The following CACNA1B variants were observed in gnomAD, a reference collection of about 807,000 sequenced individuals.
CACNA1B encodes voltage-dependent N-type calcium channel subunit alpha-1B.
In CACNA1B, 70 loss-of-function variants were observed where a neutral mutation model predicts 247.2. That is an observed-to-expected ratio of 0.28 (90% CI 0.23 to 0.35). The LOEUF (loss-of-function observed/expected upper bound fraction) is 0.35. CACNA1B is among the 10% of genes least tolerant of loss of function. CACNA1B has a pLI of 1.00. For synonymous variants in CACNA1B, 1,231 were observed against 1,294.4 expected, an observed-to-expected ratio of 0.95 and a Z score of 1.05; for missense variants, 2,367 against 3,197.4, an observed-to-expected ratio of 0.74 and a Z score of 6.26.
At position 137,971,662 on chromosome 9, in the gene CACNA1B, A is replaced by G. The variant is rs931610600; in HGVS notation, c.1543+70A>G. 19 of 1,359,218 alleles carry G rather than the reference A, an allele frequency of 1.4e-5. No homozygotes were observed. The highest frequency in any genetic ancestry group is 1.9e-5 in the Admixed American group (1 of 51,928). The allele number at this position is 1,359,218 out of a possible 1,614,324, so 84.2% of individuals were successfully genotyped here. A position where few individuals can be genotyped will look rare whatever the true frequency, so the allele number is the denominator to read the frequency against. On this transcript the variant is annotated intron_variant, in intron 11 of 46. Transcript: ENST00000371372. The surrounding 1 kb of genome is among the most constrained non-coding windows in gnomAD (Gnocchi z 4.4). Reference sequence around the variant, plus strand: ...GCTCTCAGTCTGGAAACCCTGGTCCATGCCCTGGGGCTACCCCAGGTGGGA... The same window carrying G: ...GCTCTCAGTCTGGAAACCCTGGTCCGTGCCCTGGGGCTACCCCAGGTGGGA...
chr9:137,895,881 C>G (rs574755568), intron 3 of CACNA1B, among the ~76,000 whole-genome samples: 1 of 152,040 alleles, frequency 6.6e-6, no homozygotes, highest in Non-Finnish European at 1.5e-5. Context: ...AGTGGTGTGG[C>G]GAGAGAGGCA....
rs1959659622 is a variant in CACNA1B at position 138,059,817 on chromosome 9, G to A, written c.4668+80G>A. 1.2e-6 allele frequency: 1 copy of A among 825,048 alleles called. No individual in the cohort carries two copies. The allele number at this position is 825,048 out of a possible 1,614,324, so 51.1% of individuals were successfully genotyped here. ...CCTGCTCCCCTCAGTGCATCTCCAG[G>A]CCCTGTGTTAGCCTCTTCCTGGGTT... On this transcript the variant is annotated intron_variant, in intron 31 of 46. Coordinates refer to ENST00000371372, the MANE Select transcript of CACNA1B (RefSeq NM_000718.4). This position sits in a 1 kb window ranked among gnomAD's most constrained non-coding sequence, Gnocchi z 4.2.
intron 42 of CACNA1B, among the ~76,000 whole-genome samples, chr9:138,117,292 G>T (rs112953710): frequency 2.6e-4 from 40 of 151,926 alleles, no homozygotes; most frequent in Non-Finnish European, 4.9e-4. Flanking sequence ...CTTGGGGGGG[G>T]GGTCAGAGAA....
chr9:138,056,811 G>A (rs1959516426), intron 26 of CACNA1B, among the ~76,000 whole-genome samples: 1 of 151,968 alleles, frequency 6.6e-6, no homozygotes. Context: ...TCTCGTGGTG[G>A]TTTTTATTTG....
At position 137,922,144 on chromosome 9, in the gene CACNA1B, C is replaced by T. The variant is rs148012961; in HGVS notation, c.966+4713C>T. ...CATCCTGGGAGCAGAGTAAAGTGCTCGGAGAACATGATCAACACCACACCG... is the reference window on the plus strand; with the variant it reads ...CATCCTGGGAGCAGAGTAAAGTGCTTGGAGAACATGATCAACACCACACCG... On this transcript the variant is annotated intron_variant, in intron 6 of 46. Transcript: ENST00000371372. Among the ~76,000 whole-genome samples, 554 of 135,480 alleles carry T rather than the reference C, an allele frequency of 4.1e-3. 1 individual carries two copies. The highest frequency in any genetic ancestry group is 0.015 in the Middle Eastern group (3 of 194). 88.9% of individuals were successfully genotyped at this position (135,480 alleles called of 152,430 possible).
chr9:137,914,567 G>T lies in CACNA1B; in HGVS notation c.623-87G>T, dbSNP rs2133279315. On this transcript the variant is annotated intron_variant, in intron 4 of 46. Coordinates refer to ENST00000371372, the MANE Select transcript of CACNA1B (RefSeq NM_000718.4). This position sits in a 1 kb window ranked among gnomAD's most constrained non-coding sequence, Gnocchi z 4.3. ...CTTAGCACCTTGCTGTCCCTGCTAG[G>T]TTCCTGCTGTTCTGTCCCTGCCCCC... 1.8e-6 allele frequency: 2 copies of T among 1,110,000 alleles called. No homozygotes were observed. 68.8% of individuals were successfully genotyped at this position (1,110,000 alleles called of 1,614,324 possible). A position where few individuals can be genotyped will look rare whatever the true frequency, so the allele number is the denominator to read the frequency against.
intron 10 of CACNA1B, among the ~76,000 whole-genome samples, chr9:137,960,119 C>T (rs1475974965): frequency 7.4e-6 from 1 of 134,236 alleles, no homozygotes; most frequent in Non-Finnish European, 1.6e-5. Context: ...TGAGGAACTA[C>T]TCTCAGGCCG....
At position 138,121,116 on chromosome 9, in the gene CACNA1B, T is replaced by A. The variant is rs567099375; in HGVS notation, c.6489+235T>A. Among the ~76,000 whole-genome samples the A allele has an allele frequency of 6.6e-6, 1 of 152,242 alleles. No homozygotes were observed. The highest frequency in any genetic ancestry group is 2.1e-4 in the South Asian group (1 of 4,816). On this transcript the variant is annotated intron_variant, in intron 46 of 46. Transcript: ENST00000371372. This position sits in a 1 kb window ranked among gnomAD's most constrained non-coding sequence, Gnocchi z 6.8. ...GTCACCCTGGGACAGTGGTTCTGCGTCCTATCCACTTTCGGACCTGGGCCC... is the reference window on the plus strand; with the variant it reads ...GTCACCCTGGGACAGTGGTTCTGCGACCTATCCACTTTCGGACCTGGGCCC...
intron 15 of CACNA1B, among the ~76,000 whole-genome samples, chr9:137,998,967 A>G (rs1207429128): frequency 6.6e-6 from 1 of 152,220 alleles, no homozygotes; most frequent in Non-Finnish European, 1.5e-5. Context: ...GAACATTTGC[A>G]GACTTTGACC....
Position 137,986,288 on chromosome 9 carries a change from T to C in CACNA1B, c.1770-125T>C. The C allele has an allele frequency of 9.5e-7, 1 of 1,054,304 alleles. No individual in the cohort carries two copies. The highest frequency in any genetic ancestry group is 2.1e-4 in the Middle Eastern group (1 of 4,770). The allele number at this position is 1,054,304 out of a possible 1,614,324, so 65.3% of individuals were successfully genotyped here. ...TGAAACTCCAGAGAAAAGCTCTAAC[T>C]TCACACCTAGGTGTGCAGCCCTCAG... is the stretch of plus-strand genomic sequence containing the variant. On this transcript the variant is annotated intron_variant, in intron 13 of 46. Transcript: ENST00000371372. This position sits in a 1 kb window ranked among gnomAD's most constrained non-coding sequence, Gnocchi z 6.0.
intron 20 of CACNA1B, among the ~76,000 whole-genome samples, chr9:138,038,904 G>A (rs1256918450): frequency 1.3e-5 from 2 of 152,140 alleles, no homozygotes; most frequent in Admixed American, 6.5e-5. Flanking sequence ...GAGAAAAGTG[G>A]CTGGATGCAG....
chr9:138,054,066 A>C lies in CACNA1B; in HGVS notation c.3968+60A>C, dbSNP rs1216398754. 6.6e-7 allele frequency: 1 copy of C among 1,517,656 alleles called. No homozygotes were observed. The highest frequency in any genetic ancestry group is 1.4e-5 in the African/African-American group (1 of 73,248). The allele number at this position is 1,517,656 out of a possible 1,614,324, so 94.0% of individuals were successfully genotyped here. On this transcript the variant is annotated intron_variant, in intron 26 of 46. Coordinates refer to ENST00000371372, the MANE Select transcript of CACNA1B (RefSeq NM_000718.4). This position sits in a 1 kb window ranked among gnomAD's most constrained non-coding sequence, Gnocchi z 4.6. ...GCCCCATGATGCAGACAACACTGGG[A>C]GTTCCCTTGGGACCAGGTGGAGCTG...
intron 37 of CACNA1B, among the ~76,000 whole-genome samples, chr9:138,099,184 AGT>A (rs1961159719): frequency 6.6e-6 from 1 of 152,232 alleles, no homozygotes; most frequent in Non-Finnish European, 1.5e-5. Flanking sequence ...GTGTTTGCAC[AGT>A]GTGACCACAT....
intron 6 of CACNA1B, among the ~76,000 whole-genome samples, chr9:137,927,249 T>C (rs909444704): frequency 6.6e-5 from 10 of 150,990 alleles, no homozygotes; most frequent in East Asian, 3.9e-4. Flanking sequence ...CTTCTTCTTT[T>C]TTTTTTTTTT....
At chr9:138,105,263 C>G (rs1390020250) in intron 38 of CACNA1B, among the ~76,000 whole-genome samples, 7 of 152,344 alleles carry the variant, frequency 4.6e-5, no homozygotes, top group Middle Eastern at 6.8e-3. Context: ...CCACCTACTC[C>G]TTGTCCAGAT....
At chr9:138,047,266 A>G (rs1959192937) in intron 22 of CACNA1B, 133 bp from the exon 23 acceptor site, 1 of 766,422 alleles carries the variant, frequency 1.3e-6, no homozygotes, top group African/African-American at 1.7e-5. Context: ...CCCTTCCCAG[A>G]ACCGTTTTCC....
At chr9:137,911,111 C>T (rs898263827) in intron 3 of CACNA1B, among the ~76,000 whole-genome samples, 2 of 152,126 alleles carry the variant, frequency 1.3e-5, no homozygotes, top group African/African-American at 4.8e-5. Flanking sequence ...TTGAAAAGAT[C>T]ATTCTTTCTC....
chr9:138,063,294 A>G (rs559446638), intron 31 of CACNA1B, among the ~76,000 whole-genome samples: 1 of 152,284 alleles, frequency 6.6e-6, no homozygotes, highest in Admixed American at 6.5e-5. Context: ...GGAGTTGGAG[A>G]CTAGCCTAGG....
In CACNA1B at chr9:138,073,747, T is replaced by C; in HGVS notation, c.4791+143T>C. ...CGTGGTTGTATGCATTGTCCTGTTG[T>C]CATTTATAAAGACGTTTTAAGTCAT... On this transcript the variant is annotated intron_variant, in intron 33 of 46. Transcript: ENST00000371372. This position sits in a 1 kb window ranked among gnomAD's most constrained non-coding sequence, Gnocchi z 6.4. The C allele has an allele frequency of 1.5e-6, 1 of 648,556 alleles. No homozygotes were observed. Among genetic ancestry groups the C allele is most frequent in the Non-Finnish European group, 2.7e-6 (1 of 363,878 alleles). The allele number at this position is 648,556 out of a possible 1,614,324, so 40.2% of individuals were successfully genotyped here.
Sources: gnomAD v4.1 joint callset for allele counts (sites outside exome capture counted in the v4.1 genomes callset) on GRCh38, gnomAD v4.1.1 for gene constraint, Gnocchi (gnomAD v3.1) non-coding constraint, MANE v1.5 for transcripts, NCBI Gene and HGNC (gene_info 2026-07-23, HGNC 2026-07-21) for gene names.